P4HA3: variants seen among roughly 807,000 people sequenced by gnomAD.
The protein encoded by P4HA3 is prolyl 4-hydroxylase subunit alpha-3.
In P4HA3, 60 loss-of-function variants were observed where a neutral mutation model predicts 66.7. The ratio of observed to expected loss-of-function variants is 0.90; its 90% CI spans 0.73 to 1.12. The LOEUF (loss-of-function observed/expected upper bound fraction) is 1.12. Among genes scored for constraint, P4HA3 ranks in the 50% most tolerant of loss-of-function variants. The probability of loss-of-function intolerance (pLI) is 0.00; values close to 1 mark genes in which losing one functional copy is unlikely to be tolerated. For missense variants in P4HA3, 683 were observed against 685.8 expected, an observed-to-expected ratio of 1.00 and a Z score of 0.05; for synonymous variants, 263 against 274.6, an observed-to-expected ratio of 0.96 and a Z score of 0.42.
intron 3 of P4HA3, among the ~76,000 whole-genome samples, chr11:74,301,213 T>G (rs1437730058): frequency 6.6e-6 from 1 of 152,172 alleles, no homozygotes; most frequent in Non-Finnish European, 1.5e-5. Flanking sequence ...ATAGATATAA[T>G]TGCTTGTTAT....
chr11:74,252,430 C>T lies in P4HA3; in HGVS notation c.*1319-4429G>A, dbSNP rs1859725159. 3 of 454,944 alleles carry T rather than the reference C, an allele frequency of 6.6e-6. No individual in the cohort carries two copies. The Admixed American group carries it at 7.0e-5, about 11-fold the overall frequency. The allele number at this position is 454,944 out of a possible 1,614,324, so 28.2% of individuals were successfully genotyped here. A position where few individuals can be genotyped will look rare whatever the true frequency, so the allele number is the denominator to read the frequency against. Reference sequence around the variant, plus strand: ...GGTTTTCTACAGTGTTGCACAGTGTCTTCCCATGGCCAGCTACTAAGCAAG... The same window carrying T: ...GGTTTTCTACAGTGTTGCACAGTGTTTTCCCATGGCCAGCTACTAAGCAAG... On this transcript the variant is annotated intron_variant and NMD_transcript_variant, in intron 15 of 15. Coordinates refer to the P4HA3 transcript ENST00000524388.
intron 15 of P4HA3, among the ~76,000 whole-genome samples, chr11:74,259,395 A>C (rs2135694867): frequency 6.6e-6 from 1 of 152,270 alleles, no homozygotes; most frequent in African/African-American, 2.4e-5. Flanking sequence ...AACAAAACAA[A>C]ACAAAACAAA....
In P4HA3 at chr11:74,285,823, G is replaced by A; in HGVS notation, c.1096C>T (p.Leu366Phe). 6.2e-7 allele frequency: 1 copy of A among 1,613,890 alleles called. No individual in the cohort carries two copies. Among genetic ancestry groups the A allele is most frequent in the Non-Finnish European group, 8.5e-7 (1 of 1,179,888 alleles). Residue 366 changes from leucine (L) to phenylalanine (F), a missense_variant, in exon 7 of 13, where the codon CTT becomes TTT. By Grantham distance (22) the Leu-to-Phe change is conservative (BLOSUM62 0). Transcript: ENST00000331597. ...SDSEAQKIRELAEPWLQRSVV... is the reference protein window; with the variant it reads ...SDSEAQKIREFAEPWLQRSVV... ...AGGACACTCACCCATGGTTCTGCAAGTTCTCTAATTTTCTGAGCCTCTGAG... is the reference window on the plus strand; with the variant it reads ...AGGACACTCACCCATGGTTCTGCAAATTCTCTAATTTTCTGAGCCTCTGAG...
chr11:74,265,950 T>C (rs975972379), downstream of P4HA3, among the ~76,000 whole-genome samples: 1 of 152,234 alleles, frequency 6.6e-6, no homozygotes, highest in African/African-American at 2.4e-5. Flanking sequence ...ATAAGTGTTA[T>C]GAAGAAAACA....
chr11:74,250,217 T>A (rs1364755841), intron 15 of P4HA3: 2 of 152,180 alleles, frequency 1.3e-5, no homozygotes, highest in Non-Finnish European at 2.9e-5. Context: ...TCTCTACTTA[T>A]GGGGGCTCTG....
At chr11:74,250,203 G>C (rs1171366728) in intron 15 of P4HA3, 1 of 152,098 alleles carries the variant, frequency 6.6e-6, no homozygotes, top group Non-Finnish European at 1.5e-5. Context: ...GAGAAAATCT[G>C]CTGTCTCTAC....
At chr11:74,253,381 T>C in intron 15 of P4HA3, 3 of 1,117,598 alleles carry the variant, frequency 2.7e-6, no homozygotes, top group Non-Finnish European at 4.0e-6. Context: ...TGGGTCAGAT[T>C]TGCCAGGGCC....
At chr11:74,285,564 T>C (rs1860762279) in intron 7 of P4HA3, 2 of 430,496 alleles carry the variant, frequency 4.6e-6, no homozygotes, top group South Asian at 7.4e-5. Context: ...TAACAAGATA[T>C]TGAGAGCACA....
chr11:74,281,618 A>G (rs1015307310), intron 7 of P4HA3, among the ~76,000 whole-genome samples: 3 of 152,154 alleles, frequency 2.0e-5, no homozygotes, highest in Non-Finnish European at 4.4e-5. Context: ...GTAAGCTATC[A>G]CAAGAACAAA....
intron 4 of P4HA3, among the ~76,000 whole-genome samples, chr11:74,293,779 C>T (rs1470658541): frequency 2.6e-5 from 4 of 152,242 alleles, no homozygotes; most frequent in African/African-American, 9.6e-5. Context: ...TTGGTCCCCA[C>T]TCTCTTCTGG....
intron 8 of P4HA3, among the ~76,000 whole-genome samples, chr11:74,277,387 G>C (rs1000013050): frequency 6.6e-6 from 1 of 152,158 alleles, no homozygotes; most frequent in Non-Finnish European, 1.5e-5. Context: ...GAGATACAAA[G>C]AGGAATAAGA....
chr11:74,260,387 T>C (rs905572697), intron 14 of P4HA3, among the ~76,000 whole-genome samples: 1 of 152,222 alleles, frequency 6.6e-6, no homozygotes, highest in Non-Finnish European at 1.5e-5. Context: ...ACAATTCCTG[T>C]TCCCCTTTTT....
chr11:74,295,299 T>C (rs1029668851), intron 4 of P4HA3, among the ~76,000 whole-genome samples: 1 of 152,076 alleles, frequency 6.6e-6, no homozygotes, highest in Admixed American at 6.6e-5. Context: ...GCACAGGAAT[T>C]AACTCTCCCT....
At chr11:74,298,463 G>A in intron 3 of P4HA3, 102 bp from the exon 4 acceptor site, 1 of 1,354,138 alleles carries the variant, frequency 7.4e-7, no homozygotes, top group Non-Finnish European at 1.0e-6. Context: ...CAAGAAGGCA[G>A]GTTTTAATTT....
intron 7 of P4HA3, among the ~76,000 whole-genome samples, chr11:74,282,332 G>A (rs981268253): frequency 3.3e-5 from 5 of 152,098 alleles, no homozygotes; most frequent in South Asian, 2.1e-4. Flanking sequence ...CAATGTCCCT[G>A]CCCCTAAGAC....
chr11:74,272,137 C>T (rs1860223004), intron 10 of P4HA3, among the ~76,000 whole-genome samples: 1 of 152,150 alleles, frequency 6.6e-6, no homozygotes, highest in Non-Finnish European at 1.5e-5. Flanking sequence ...GTATTCCATT[C>T]CACTCTGTCT....
chr11:74,296,701 A>G (rs886348349), intron 4 of P4HA3, among the ~76,000 whole-genome samples: 2 of 152,212 alleles, frequency 1.3e-5, no homozygotes, highest in African/African-American at 2.4e-5. Context: ...GGGAAACAAA[A>G]CAAAACTAAT....
chr11:74,254,453 C>T (rs1334001674), intron 15 of P4HA3: 1 of 152,900 alleles, frequency 6.5e-6, no homozygotes, highest in Non-Finnish European at 1.5e-5. Context: ...TCTTTGCCTT[C>T]TTCCAGCTGC....
At position 74,279,424 on chromosome 11, in the gene P4HA3, T is replaced by A; in HGVS notation, c.1139A>T (p.Glu380Val). Residue 380 changes from glutamate to valine, a missense_variant, in exon 8 of 13, where the codon GAG becomes GTG. Physicochemically the swap from Glu to Val is moderately radical, Grantham distance 121. Coordinates refer to ENST00000331597, the MANE Select transcript of P4HA3 (RefSeq NM_182904.5). ...GCGGTACTCCACTTGTAACTGCTTC[T>A]CCCCTGATGCCACCACTGACCTCTG... is the stretch of plus-strand genomic sequence containing the variant. Reference protein sequence around the residue: ...WLQRSVVASGEKQLQVEYRIS... With the variant: ...WLQRSVVASGVKQLQVEYRIS... 2 of 1,613,918 alleles carry A rather than the reference T, an allele frequency of 1.2e-6. No homozygotes were observed. Among genetic ancestry groups the A allele is most frequent in the Non-Finnish European group, 1.7e-6 (2 of 1,179,872 alleles).
Sources: gnomAD v4.1 joint callset for allele counts (sites outside exome capture counted in the v4.1 genomes callset) on GRCh38, gnomAD v4.1.1 for gene constraint, MANE v1.5 for transcripts, NCBI Gene and HGNC (gene_info 2026-07-23, HGNC 2026-07-21) for gene names.